The following MSRB3 variants were observed in gnomAD, a reference collection of about 807,000 sequenced individuals.
MSRB3 encodes methionine sulfoxide reductase B3, also known as methionine-R-sulfoxide reductase B3.
Under a neutral mutation model 21.0 loss-of-function variants are expected in MSRB3, and 13 were observed. That is an observed-to-expected ratio of 0.62 (90% CI 0.40 to 0.98). The LOEUF is 0.98. Ranked by LOEUF, MSRB3 falls within the 50% of genes least tolerant of loss-of-function variation. The pLI is 0.00. For missense variants in MSRB3, 199 were observed against 230.3 expected, an observed-to-expected ratio of 0.86 and a Z score of 0.88; for synonymous variants, 87 against 88.6, an observed-to-expected ratio of 0.98 and a Z score of 0.10.
intron 4 of MSRB3, among the ~76,000 whole-genome samples, chr12:65,353,921 G>T (rs1475431946): frequency 6.6e-6 from 1 of 151,912 alleles, no homozygotes; most frequent in African/African-American, 2.4e-5. Context: ...GGCAGGCCTG[G>T]TGGTGACAAA....
At chr12:65,332,578 A>G (rs1875499988) in intron 4 of MSRB3, among the ~76,000 whole-genome samples, 1 of 152,196 alleles carries the variant, frequency 6.6e-6, no homozygotes, top group East Asian at 1.9e-4. Flanking sequence ...TGGCACATGT[A>G]TACATATGTA....
intron 5 of MSRB3, among the ~76,000 whole-genome samples, chr12:65,422,408 ATATATATATATATATATATATATT>A (rs1352298967): frequency 0.041 from 1,634 of 39,874 alleles, 75 homozygotes; most frequent in African/African-American, 0.094. Context: ...ATATATATAT[ATATATATATATATATATATATATT>A]TATTTATTTA....
intron 1 of MSRB3, among the ~76,000 whole-genome samples, chr12:65,297,613 T>G (rs1210867314): frequency 6.6e-6 from 1 of 152,124 alleles, no homozygotes; most frequent in Non-Finnish European, 1.5e-5. Context: ...CCAGAGAGCG[T>G]TGAGGATTGA....
chr12:65,305,869 G>C (rs1873623266), intron 1 of MSRB3, among the ~76,000 whole-genome samples: 1 of 152,126 alleles, frequency 6.6e-6, no homozygotes, highest in African/African-American at 2.4e-5. Flanking sequence ...AGAAGGAGTG[G>C]ATATAAATGT....
chr12:65,372,325 A>G (rs1195128869), intron 5 of MSRB3, among the ~76,000 whole-genome samples: 1 of 152,224 alleles, frequency 6.6e-6, no homozygotes, highest in Non-Finnish European at 1.5e-5. Context: ...TTCTATTCTC[A>G]AAATTAGTTA....
chr12:65,445,910 G>C (rs1279198438), intron 5 of MSRB3, among the ~76,000 whole-genome samples: 1 of 152,080 alleles, frequency 6.6e-6, no homozygotes, highest in African/African-American at 2.4e-5. Flanking sequence ...CTCCCAAAGT[G>C]CTGGGATTAG....
chr12:65,375,080 C>T (rs1435352000), intron 5 of MSRB3, among the ~76,000 whole-genome samples: 1 of 150,924 alleles, frequency 6.6e-6, no homozygotes, highest in Non-Finnish European at 1.5e-5. Context: ...CTCCTGACCT[C>T]GTGATCAGCT....
chr12:65,451,252 T>C (rs1189684024), intron 5 of MSRB3, among the ~76,000 whole-genome samples: 2 of 152,174 alleles, frequency 1.3e-5, no homozygotes, highest in East Asian at 1.9e-4. Flanking sequence ...TTTTGAAATA[T>C]CTTTATTTAT....
At chr12:65,406,768 T>C (rs1467132365) in intron 5 of MSRB3, among the ~76,000 whole-genome samples, 1 of 152,162 alleles carries the variant, frequency 6.6e-6, no homozygotes, top group Non-Finnish European at 1.5e-5. Flanking sequence ...AATGCCATAA[T>C]GTTAAGAGCT....
intron 4 of MSRB3, among the ~76,000 whole-genome samples, chr12:65,362,479 T>G (rs1308528814): frequency 6.6e-6 from 1 of 151,994 alleles, no homozygotes. Flanking sequence ...CCCTGGGGAG[T>G]GCACATTTTT....
At chr12:65,382,438 A>T (rs760262141) in intron 5 of MSRB3, among the ~76,000 whole-genome samples, 2 of 152,094 alleles carry the variant, frequency 1.3e-5, no homozygotes, top group Non-Finnish European at 2.9e-5. Flanking sequence ...ATAGTAAAAT[A>T]CATTTTTACA....
intron 5 of MSRB3, among the ~76,000 whole-genome samples, chr12:65,410,965 C>T (rs1880684690): frequency 6.6e-6 from 1 of 151,992 alleles, no homozygotes; most frequent in Non-Finnish European, 1.5e-5. Context: ...GTGAAACTAC[C>T]CCACCCCCAC....
intron 4 of MSRB3, among the ~76,000 whole-genome samples, chr12:65,347,818 C>G (rs1876627089): frequency 6.6e-6 from 1 of 152,120 alleles, no homozygotes; most frequent in Non-Finnish European, 1.5e-5. Context: ...TTCTCAAAGG[C>G]CTTTTCTGCA....
chr12:65,367,912 TAC>T (rs1288915025), intron 4 of MSRB3, among the ~76,000 whole-genome samples: 9 of 32,362 alleles, frequency 2.8e-4, no homozygotes, highest in Non-Finnish European at 6.7e-4. Context: ...ATTTTACATA[TAC>T]ATATACACAC....
At chr12:65,291,507 A>T (rs1453232191) in intron 1 of MSRB3, among the ~76,000 whole-genome samples, 2 of 151,164 alleles carry the variant, frequency 1.3e-5, no homozygotes, top group Middle Eastern at 3.5e-3. Context: ...AAGCCTGCTC[A>T]AACCTGCCCC....
intron 4 of MSRB3, among the ~76,000 whole-genome samples, chr12:65,365,544 C>T (rs996781588): frequency 6.6e-6 from 1 of 152,050 alleles, no homozygotes; most frequent in Admixed American, 6.6e-5. Flanking sequence ...CTTAATGTCG[C>T]CAGGTCAGTG....
At chr12:65,362,694 A>G (rs985612568) in intron 4 of MSRB3, among the ~76,000 whole-genome samples, 2 of 152,186 alleles carry the variant, frequency 1.3e-5, no homozygotes, top group African/African-American at 4.8e-5. Context: ...CTCTTCTTCA[A>G]ATAATTGATA....
chr12:65,363,683 T>TA (rs901409522), intron 4 of MSRB3, among the ~76,000 whole-genome samples: 10 of 151,068 alleles, frequency 6.6e-5, no homozygotes, highest in South Asian at 2.1e-4. Flanking sequence ...AATAGTGGCT[T>TA]AAAAAAAAAT....
chr12:65,291,700 T>C lies in MSRB3; in HGVS notation c.-52+12835T>C, dbSNP rs79945773. Among the ~76,000 whole-genome samples the C allele has an allele frequency of 1.7e-3, 257 of 152,304 alleles. 10 individuals are homozygous for C. In the East Asian group the frequency reaches 0.043, roughly 26 times the overall value. ...TTCTCAGGGTCTTTCGTTCTCAGTT[T>C]GGAACCAGCATGGCATGTTGTAGAA... On this transcript the variant is annotated intron_variant, in intron 1 of 6. Coordinates refer to ENST00000308259, the MANE Select transcript of MSRB3 (RefSeq NM_001031679.3).
Sources: allele counts gnomAD v4.1 joint callset (sites outside exome capture counted in the v4.1 genomes callset), GRCh38; gene constraint gnomAD v4.1.1; transcripts MANE v1.5; gene names NCBI Gene and HGNC (gene_info 2026-07-23, HGNC 2026-07-21).